The following PNLIP variants were observed in gnomAD, a reference collection of about 807,000 sequenced individuals.
PNLIP encodes the protein pancreatic triacylglycerol lipase.
A neutral mutation model predicts 57.1 loss-of-function variants in PNLIP; 49 were observed. That is an observed-to-expected ratio of 0.86 (90% CI 0.68 to 1.09). The LOEUF (loss-of-function observed/expected upper bound fraction) is 1.09. Among genes scored for constraint, PNLIP ranks in the 50% least tolerant of loss-of-function variants. The pLI is 0.00. For missense variants in PNLIP, 503 were observed against 570.2 expected (o/e 0.88, Z 1.20); for synonymous variants, 209 against 200.4 (o/e 1.04, Z -0.36).
At chr10:116,566,609 T>C (rs1847369939) in intron 12 of PNLIP, among the ~76,000 whole-genome samples, 1 of 152,188 alleles carries the variant, frequency 6.6e-6, no homozygotes, top group African/African-American at 2.4e-5. Context: ...ATATATATCC[T>C]ATGAGGTAGA....
intron 11 of PNLIP, 100 bp downstream of exon 11, chr10:116,560,624 C>CTGGA: frequency 1.7e-6 from 1 of 588,612 alleles, no homozygotes; most frequent in Non-Finnish European, 2.9e-6. Flanking sequence ...GTCACCCAGG[C>CTGGA]TGGAGTGTAG....
chr10:116,566,165 T>C (rs953914987), intron 12 of PNLIP, among the ~76,000 whole-genome samples: 2 of 152,176 alleles, frequency 1.3e-5, no homozygotes, highest in Admixed American at 6.6e-5. Context: ...TGTCTACCAA[T>C]AGAGGAATGG....
chr10:116,567,354 T>C lies in PNLIP; in HGVS notation c.1335-381T>C, dbSNP rs188946820. On this transcript the variant is annotated intron_variant, in intron 12 of 12. Coordinates refer to ENST00000369221, the MANE Select transcript of PNLIP (RefSeq NM_000936.4). Reference sequence around the variant, plus strand: ...CAGTTCAAATATTGAATTAAAATAATGGTTAGCCAACGTAACACCAGAAAT... The same window carrying C: ...CAGTTCAAATATTGAATTAAAATAACGGTTAGCCAACGTAACACCAGAAAT... 5.2e-3 allele frequency among the ~76,000 whole-genome samples: 795 copies of C among 152,270 alleles called. 7 individuals carry two copies. The highest frequency in any genetic ancestry group is 8.1e-3 in the Non-Finnish European group (550 of 68,026).
At chr10:116,556,996 G>A (rs1847260443) in intron 9 of PNLIP, among the ~76,000 whole-genome samples, 1 of 152,006 alleles carries the variant, frequency 6.6e-6, no homozygotes, top group Non-Finnish European at 1.5e-5. Flanking sequence ...TAACATATTT[G>A]GTGAGAGGAC....
chr10:116,546,934 G>A (rs1341429791), intron 2 of PNLIP, among the ~76,000 whole-genome samples: 3 of 152,198 alleles, frequency 2.0e-5, no homozygotes, highest in Non-Finnish European at 2.9e-5. Context: ...AAAGCCCACA[G>A]CTAAACAGTG....
chr10:116,560,697 C>A (rs962723365), intron 11 of PNLIP, among the ~76,000 whole-genome samples, 173 bp downstream of exon 11: 1 of 151,690 alleles, frequency 6.6e-6, no homozygotes, highest in Non-Finnish European at 1.5e-5. Flanking sequence ...CCTGCCTTAG[C>A]CTCCCGAGTA....
Position 116,551,238 on chromosome 10 carries a change from T to G in PNLIP, c.459+6T>G. 1 of 1,602,200 alleles carries G rather than the reference T, an allele frequency of 6.2e-7. No homozygotes were observed. The highest frequency in any genetic ancestry group is 8.5e-7 in the Non-Finnish European group (1 of 1,173,774). Reference sequence around the variant, plus strand: ...ATTTTGTTGAATTTCTTCAGGTAATTACTCCCGGATTGCATAAAAGCCTGT... The same window carrying G: ...ATTTTGTTGAATTTCTTCAGGTAATGACTCCCGGATTGCATAAAAGCCTGT... On this transcript the variant is annotated splice_donor_region_variant and intron_variant, in intron 5 of 12. Coordinates refer to ENST00000369221, the MANE Select transcript of PNLIP (RefSeq NM_000936.4).
chr10:116,560,502 T>C lies in PNLIP; in HGVS notation c.1147T>C (p.Ser383Pro), dbSNP rs762736130. The C allele has an allele frequency of 2.6e-6, 4 of 1,556,368 alleles. No individual in the cohort carries two copies. Among genetic ancestry groups the C allele is most frequent in the Non-Finnish European group, 2.6e-6 (3 of 1,134,088 alleles). Residue 383 changes from serine to proline, a missense_variant, in exon 11 of 13, where the codon TCT (serine) becomes CCT (proline). By Grantham distance (74) the Ser-to-Pro change is moderately conservative. Coordinates refer to ENST00000369221, the MANE Select transcript of PNLIP (RefSeq NM_000936.4). ...TTCTTTGTTCGGAAATAAAGGAAAC[T>C]CTAAGCAGTATGAAATTTTCAAGTG... The part of the protein sequence containing the change: ...LVSLFGNKGN[S>P]KQYEIFKGTL...
intron 5 of PNLIP, among the ~76,000 whole-genome samples, chr10:116,551,764 A>G (rs1188590887): frequency 1.3e-5 from 2 of 152,246 alleles, no homozygotes; most frequent in Non-Finnish European, 2.9e-5. Context: ...AACAAAATAC[A>G]GCCCTACTTC....
At chr10:116,550,053 CT>C (rs1176488381) in intron 4 of PNLIP, among the ~76,000 whole-genome samples, 4,124 of 98,930 alleles carry the variant, frequency 0.042, 52 homozygotes, top group African/African-American at 0.11. Flanking sequence ...TTCTCAAATT[CT>C]TTTTTTTTTT....
Position 116,559,259 on chromosome 10 carries a change from A to C in PNLIP, c.1036A>C (p.Thr346Pro), listed in dbSNP as rs776101990. The C allele has an allele frequency of 6.2e-6, 10 of 1,613,640 alleles. No homozygotes were observed. Among genetic ancestry groups the C allele is most frequent in the Non-Finnish European group, 8.5e-7 (1 of 1,179,754 alleles). Residue 346 changes from threonine (T) to proline (P), a missense_variant, in exon 10 of 13, where the codon ACT (threonine) becomes CCT (proline). Physicochemically the swap from Thr to Pro is conservative, Grantham distance 38. Coordinates refer to ENST00000369221, the MANE Select transcript of PNLIP (RefSeq NM_000936.4). Reference sequence around the variant, plus strand: ...TGTGGGCCAGAAATTTTATCTAGACACTGGTGATGCCAGTAATTTTGCACG... The same window carrying C: ...TGTGGGCCAGAAATTTTATCTAGACCCTGGTGATGCCAGTAATTTTGCACG... ...NDVGQKFYLDTGDASNFARWR... is the reference protein window; with the variant it reads ...NDVGQKFYLDPGDASNFARWR...
rs1005991131 is a variant in PNLIP, at chr10:116,553,989, A to C, written c.571+151A>C. ...AAAGGACGCTACAAACTTAGACTAA[A>C]TGCAGCCTGTATGTGATTTAAAAGG... On this transcript the variant is annotated intron_variant, in intron 6 of 12. Coordinates refer to ENST00000369221, the MANE Select transcript of PNLIP (RefSeq NM_000936.4). The C allele has an allele frequency of 7.0e-5, 36 of 517,240 alleles. No individual in the cohort carries two copies. The Admixed American group carries it at 1.3e-3, about 19-fold the overall frequency. 32.0% of individuals were successfully genotyped at this position (517,240 alleles called of 1,614,324 possible).
rs531618105 is a variant in PNLIP, at chr10:116,564,660, T to C, written c.1334+3024T>C. ...TATTACTAAATTCTCTTTGAAAAAA[T>C]TGACTATTTAAAAAATAATGACAGT... On this transcript the variant is annotated intron_variant, in intron 12 of 12. Coordinates refer to ENST00000369221, the MANE Select transcript of PNLIP (RefSeq NM_000936.4). Among the ~76,000 whole-genome samples, 8 of 152,180 alleles carry C rather than the reference T, an allele frequency of 5.3e-5. No individual in the cohort carries two copies. The East Asian group carries it at 1.4e-3, about 26-fold the overall frequency.
intron 12 of PNLIP, among the ~76,000 whole-genome samples, chr10:116,563,742 C>G (rs1277368976): frequency 2.0e-5 from 3 of 151,936 alleles, no homozygotes; most frequent in Middle Eastern, 3.4e-3. Flanking sequence ...CACTGAGTTT[C>G]TAGAGATGAA....
chr10:116,566,903 G>C (rs1348768045), intron 12 of PNLIP, among the ~76,000 whole-genome samples: 1 of 152,112 alleles, frequency 6.6e-6, no homozygotes, highest in Non-Finnish European at 1.5e-5. Context: ...TTTACATATG[G>C]TAAGGTATTT....
At chr10:116,552,811 G>A (rs774845394) in intron 5 of PNLIP, among the ~76,000 whole-genome samples, 21 of 152,166 alleles carry the variant, frequency 1.4e-4, no homozygotes, top group African/African-American at 3.1e-4. Context: ...GCGTGAACCC[G>A]GGAGGTGGAG....
chr10:116,566,189 G>A (rs527718121), intron 12 of PNLIP, among the ~76,000 whole-genome samples: 6 of 152,288 alleles, frequency 3.9e-5, no homozygotes, highest in Admixed American at 1.3e-4. Context: ...AACAAACTAT[G>A]GTCTATGGTC....
chr10:116,560,003 G>C (rs1412515759), intron 10 of PNLIP, among the ~76,000 whole-genome samples: 3 of 151,902 alleles, frequency 2.0e-5, no homozygotes, highest in Non-Finnish European at 4.4e-5. Flanking sequence ...CAAAAAGATA[G>C]CAGTACCCTA....
At chr10:116,559,576 A>C (rs1005828963) in intron 10 of PNLIP, among the ~76,000 whole-genome samples, 5 of 152,180 alleles carry the variant, frequency 3.3e-5, no homozygotes, top group African/African-American at 7.2e-5. Flanking sequence ...CAAAAGTTTC[A>C]CTGAACAAAA....
Sources: gnomAD v4.1 joint callset for allele counts (sites outside exome capture counted in the v4.1 genomes callset) on GRCh38, gnomAD v4.1.1 for gene constraint, MANE v1.5 for transcripts, NCBI Gene and HGNC (gene_info 2026-07-23, HGNC 2026-07-21) for gene names.